Variants in SPDL1 observed in about 807,000 individuals in gnomAD.
SPDL1 encodes protein Spindly.
A neutral mutation model predicts 79.5 loss-of-function variants in SPDL1; 85 were observed. That is an observed-to-expected ratio of 1.07 (90% CI 0.90 to 1.28). The LOEUF (loss-of-function observed/expected upper bound fraction) is 1.28. SPDL1 is among the 50% of genes most tolerant of loss of function. The pLI is 0.00. For synonymous variants in SPDL1, 269 were observed against 240.3 expected, an observed-to-expected ratio of 1.12 and a Z score of -1.10; for missense variants, 703 against 697.8, an observed-to-expected ratio of 1.01 and a Z score of -0.08.
chr5:169,592,293 C>G (rs1358111544), intron 3 of SPDL1, among the ~76,000 whole-genome samples: 1 of 148,376 alleles, frequency 6.7e-6, no homozygotes, highest in Non-Finnish European at 1.5e-5. Context: ...CTCGGCTCAC[C>G]TGCAACCTCT....
At chr5:169,591,619 A>G (rs907313300) in intron 3 of SPDL1, among the ~76,000 whole-genome samples, 3 of 152,216 alleles carry the variant, frequency 2.0e-5, no homozygotes, top group Admixed American at 2.0e-4. Flanking sequence ...AATGTGCATT[A>G]CAAATGACAC....
intron 1 of SPDL1, among the ~76,000 whole-genome samples, chr5:169,587,764 A>G (rs1036542213): frequency 6.6e-6 from 1 of 152,160 alleles, no homozygotes; most frequent in African/African-American, 2.4e-5. Flanking sequence ...TTCTCAAGAC[A>G]GTGTCTTGCT....
At position 169,594,681 on chromosome 5, in the gene SPDL1, G is replaced by C; in HGVS notation, c.891G>C (p.Lys297Asn). The part of the protein sequence containing the change: ...VFNREQMQRM[K>N]LQIATLLQMK... ...ACAGAGAACAGATGCAGAGAATGAAGGTATAGAACTTTCACTATCAAAGGT... is the reference window on the plus strand; with the variant it reads ...ACAGAGAACAGATGCAGAGAATGAACGTATAGAACTTTCACTATCAAAGGT... The change falls in exon 7 of 12, where the codon AAG (lysine) becomes AAC (asparagine). Residue 297 changes from lysine (K) to asparagine (N), a missense_variant and splice_region_variant. Coordinates refer to ENST00000265295, the MANE Select transcript of SPDL1 (RefSeq NM_017785.5). The C allele has an allele frequency of 6.2e-7, 1 of 1,602,638 alleles. No homozygotes were observed. Among genetic ancestry groups the C allele is most frequent in the South Asian group, 1.1e-5 (1 of 90,374 alleles).
At chr5:169,596,522 CACTT>C (rs752698109) in intron 7 of SPDL1, 35 bp from the exon 8 acceptor site, 78 of 1,554,972 alleles carry the variant, frequency 5.0e-5, no homozygotes, top group Middle Eastern at 3.4e-4. Flanking sequence ...ATCTTTCTCT[CACTT>C]AATTTTATTA....
rs1755397789 is a variant in SPDL1 at position 169,593,339 on chromosome 5, T to G, written c.337-15T>G. Reference sequence around the variant, plus strand: ...AATAACTTTCAATTTATGACTTTTTTTTTTTTGGCTTTAGATAGAAAAACT... The same window carrying G: ...AATAACTTTCAATTTATGACTTTTTGTTTTTTGGCTTTAGATAGAAAAACT... On this transcript the variant is annotated splice_polypyrimidine_tract_variant and intron_variant, in intron 3 of 11. Transcript: ENST00000265295. The G allele has an allele frequency of 6.4e-7, 1 of 1,569,442 alleles. No homozygotes were observed. The highest frequency in any genetic ancestry group is 8.6e-7 in the Non-Finnish European group (1 of 1,164,226).
At chr5:169,584,873 G>T (rs1415320679) in intron 1 of SPDL1, among the ~76,000 whole-genome samples, 1 of 152,172 alleles carries the variant, frequency 6.6e-6, no homozygotes, top group Non-Finnish European at 1.5e-5. Context: ...GGCCGGGTGC[G>T]GTGGCTCACG....
rs1169178147 is a variant in SPDL1 at position 169,604,219 on chromosome 5, TAA to T, written c.*13_*14del. 5 of 1,551,794 alleles carry T rather than the reference TAA, an allele frequency of 3.2e-6. No individual in the cohort carries two copies. In the African/African-American group the frequency reaches 7.0e-5, roughly 22 times the overall value. On this transcript the variant is annotated 3_prime_UTR_variant, in exon 12 of 12. Coordinates refer to ENST00000265295, the MANE Select transcript of SPDL1 (RefSeq NM_017785.5). ...GCCCTCAACAGTAAAGACTTGTCTT[TAA>T]TAAGAGTACGGTGCCACTTGCCTCA...
At chr5:169,587,520 A>G (rs571375690) in intron 1 of SPDL1, 1 of 152,324 alleles carries the variant, frequency 6.6e-6, no homozygotes, top group African/African-American at 2.4e-5. Context: ...TCTTATGGAT[A>G]TGGTTTCTAT....
intron 2 of SPDL1, 174 bp downstream of exon 2, chr5:169,588,749 T>A: frequency 2.0e-6 from 1 of 507,122 alleles, no homozygotes; most frequent in Non-Finnish European, 3.4e-6. Flanking sequence ...TGTTATTCTT[T>A]CCACCCTAGT....
intron 11 of SPDL1, among the ~76,000 whole-genome samples, chr5:169,602,666 A>G (rs1333619969): frequency 6.6e-6 from 1 of 152,228 alleles, no homozygotes; most frequent in Non-Finnish European, 1.5e-5. Context: ...TTCAACAGTA[A>G]AAGCACTTTA....
rs138357939 is a variant in SPDL1 at position 169,601,296 on chromosome 5, T to C, written c.1341T>C (p.Pro447=). The C allele has an allele frequency of 3.0e-4, 486 of 1,610,498 alleles. No homozygotes were observed. In the Middle Eastern group the frequency reaches 4.7e-3, roughly 15 times the overall value. Residue 447 remains proline, a synonymous_variant, in exon 11 of 12, where the codon CCT becomes CCC. Coordinates refer to ENST00000265295, the MANE Select transcript of SPDL1 (RefSeq NM_017785.5). ...TATTCTCAGAGACAGTTGAAGTGCC[T>C]GTACTGAAAAAGAGGCGTGAGGTGC... The part of the protein sequence containing the change: ...KYEPEETVEV[P]VLKKRREVLP...
intron 2 of SPDL1, chr5:169,590,760 T>G (rs1202322060): frequency 4.1e-6 from 2 of 491,932 alleles, no homozygotes; most frequent in Admixed American, 2.3e-5. Flanking sequence ...TAGCAGAGAT[T>G]ACTTGACTTG....
chr5:169,593,963 G>GT (rs566515071), intron 4 of SPDL1, among the ~76,000 whole-genome samples, 182 bp from the exon 5 acceptor site: 74 of 152,272 alleles, frequency 4.9e-4, no homozygotes, highest in Non-Finnish European at 7.1e-4. Flanking sequence ...AAAGCCATTT[G>GT]TTTCCTTGTT....
chr5:169,586,117 A>G (rs141638238), intron 1 of SPDL1: 1 of 152,400 alleles, frequency 6.6e-6, no homozygotes, highest in Non-Finnish European at 1.5e-5. Flanking sequence ...TATCCTTTGC[A>G]GCAAACCTGT....
At position 169,588,384 on chromosome 5, in the gene SPDL1, C is replaced by T. The variant is rs150517088; in HGVS notation, c.-23-10C>T. 46 of 1,565,318 alleles carry T rather than the reference C, an allele frequency of 2.9e-5. No homozygotes were observed. The African/African-American group carries it at 6.3e-4, about 22-fold the overall frequency. On this transcript the variant is annotated splice_polypyrimidine_tract_variant and intron_variant, in intron 1 of 11. Transcript: ENST00000265295. ...ATAAGCTTAAGTAGTTTTATTTCCTCTATTTACAGTTGGCTAAAAAAAAGA... is the reference window on the plus strand; with the variant it reads ...ATAAGCTTAAGTAGTTTTATTTCCTTTATTTACAGTTGGCTAAAAAAAAGA...
chr5:169,601,729 GC>G, intron 11 of SPDL1, 104 bp downstream of exon 11: 1 of 1,058,160 alleles, frequency 9.5e-7, no homozygotes. Flanking sequence ...TCTTACAATT[GC>G]ATGCAGTATA....
In SPDL1 at chr5:169,594,206, T is replaced by C. The variant is rs1323331688; in HGVS notation, c.593T>C (p.Ile198Thr). The change falls in exon 5 of 12, where the codon ATT becomes ACT. Residue 198 changes from isoleucine to threonine, a missense_variant. Physicochemically the swap from Ile to Thr is moderately conservative, Grantham distance 89. Transcript: ENST00000265295. The stretch of plus-strand genomic sequence containing the variant: ...AGACAAGAACAGCTAGAACTTCTTA[T>C]TACTAACCTAATGCGCCAGGTAGAC... ...QYRQEQLELLITNLMRQVDRL... is the reference protein window; with the variant it reads ...QYRQEQLELLTTNLMRQVDRL... 1 of 1,613,758 alleles carries C rather than the reference T, an allele frequency of 6.2e-7. No individual in the cohort carries two copies. The highest frequency in any genetic ancestry group is 1.3e-5 in the African/African-American group (1 of 74,904).
intron 2 of SPDL1, among the ~76,000 whole-genome samples, chr5:169,589,913 G>A (rs1232312557): frequency 6.6e-6 from 1 of 152,084 alleles, no homozygotes; most frequent in East Asian, 1.9e-4. Flanking sequence ...ATGTTGACCA[G>A]GCTGGTCTTG....
intron 10 of SPDL1, among the ~76,000 whole-genome samples, chr5:169,600,873 A>C (rs1329270357): frequency 6.6e-6 from 1 of 152,178 alleles, no homozygotes; most frequent in African/African-American, 2.4e-5. Flanking sequence ...TTTACAGATA[A>C]AATGAAGCTC....
Sources: gnomAD v4.1 joint callset for allele counts (sites outside exome capture counted in the v4.1 genomes callset) on GRCh38, gnomAD v4.1.1 for gene constraint, MANE v1.5 for transcripts, NCBI Gene and HGNC (gene_info 2026-07-23, HGNC 2026-07-21) for gene names.